The following IGF1R variants were observed in gnomAD, a reference collection of about 807,000 sequenced individuals.
IGF1R encodes the protein insulin-like growth factor 1 receptor.
In IGF1R, 44 loss-of-function variants were observed where a neutral mutation model predicts 144.6. The ratio of observed to expected loss-of-function variants is 0.30; its 90% confidence interval spans 0.24 to 0.39. The LOEUF (loss-of-function observed/expected upper bound fraction) is 0.39. Ranked by LOEUF, IGF1R falls within the 10% of genes least tolerant of loss-of-function variation. The pLI is 1.00. For missense variants in IGF1R, 1,355 were observed against 1,833.7 expected, an observed-to-expected ratio of 0.74 and a Z score of 4.77; for synonymous variants, 795 against 722.8, an observed-to-expected ratio of 1.10 and a Z score of -1.60.
Position 98,860,678 on chromosome 15 carries a change from G to C in IGF1R, c.641-30647G>C, listed in dbSNP as rs568766619. On this transcript the variant is annotated intron_variant, in intron 2 of 20. Coordinates refer to ENST00000650285, the MANE Select transcript of IGF1R (RefSeq NM_000875.5). Reference sequence around the variant, plus strand: ...CTGAGTGGGAGGCAGTTTGCCCTCTGCTGAAGGTTTCTTGTGCTTATTGTG... The same window carrying C: ...CTGAGTGGGAGGCAGTTTGCCCTCTCCTGAAGGTTTCTTGTGCTTATTGTG... Among the ~76,000 whole-genome samples, 10 of 152,272 alleles carry C rather than the reference G, an allele frequency of 6.6e-5. 1 individual carries two copies. Among genetic ancestry groups the C allele is most frequent in the African/African-American group, 1.9e-4 (8 of 41,548 alleles).
At chr15:98,944,319 C>T (rs565309317) in intron 19 of IGF1R, among the ~76,000 whole-genome samples, 124 of 152,336 alleles carry the variant, frequency 8.1e-4, no homozygotes, top group Admixed American at 1.4e-3. Flanking sequence ...ACAAAGGGAC[C>T]TAGAGTGTGT....
intron 2 of IGF1R, among the ~76,000 whole-genome samples, chr15:98,830,895 C>T (rs1044634032): frequency 2.6e-5 from 4 of 152,204 alleles, no homozygotes; most frequent in African/African-American, 4.8e-5. Flanking sequence ...TGAACCACCA[C>T]GCCCGGCCAG....
At chr15:98,795,501 G>A (rs979740977) in intron 2 of IGF1R, among the ~76,000 whole-genome samples, 1 of 151,976 alleles carries the variant, frequency 6.6e-6, no homozygotes, top group South Asian at 2.1e-4. Flanking sequence ...TGCAAGCTCC[G>A]CCTCCTGGGT....
rs958372963 is a variant in IGF1R, at chr15:98,960,555, A to C, written c.*3113A>C. 4 of 233,372 alleles carry C rather than the reference A, an allele frequency of 1.7e-5. No individual in the cohort carries two copies. The highest frequency in any genetic ancestry group is 2.5e-3 in the Middle Eastern group (2 of 810). The allele number at this position is 233,372 out of a possible 1,614,324, so 14.5% of individuals were successfully genotyped here. Reference sequence around the variant, plus strand: ...CAGCACCATCTCTGTGCGAATCCCCAGGGTAAAGGCGTGGGGCATTGGGTT... The same window carrying C: ...CAGCACCATCTCTGTGCGAATCCCCCGGGTAAAGGCGTGGGGCATTGGGTT... On this transcript the variant is annotated 3_prime_UTR_variant, in exon 21 of 21. Transcript: ENST00000650285.
chr15:98,713,087 T>C (rs1326385055), intron 2 of IGF1R, among the ~76,000 whole-genome samples: 1 of 151,864 alleles, frequency 6.6e-6, no homozygotes, highest in African/African-American at 2.4e-5. Context: ...TTGGCCCCAG[T>C]GGTGCTCTCC....
At chr15:98,901,023 A>T (rs1385467981) in intron 5 of IGF1R, among the ~76,000 whole-genome samples, 1 of 152,222 alleles carries the variant, frequency 6.6e-6, no homozygotes, top group African/African-American at 2.4e-5. Context: ...TTACCTTTTC[A>T]TGGAGTGTTA....
intron 2 of IGF1R, among the ~76,000 whole-genome samples, chr15:98,808,328 C>A (rs1334805823): frequency 6.6e-6 from 1 of 152,194 alleles, no homozygotes; most frequent in African/African-American, 2.4e-5. Flanking sequence ...TTGTCAGTAT[C>A]TTTATCCTCT....
chr15:98,684,876 A>C (rs1026668358), intron 1 of IGF1R, among the ~76,000 whole-genome samples: 1 of 148,330 alleles, frequency 6.7e-6, no homozygotes, highest in Non-Finnish European at 1.5e-5. Context: ...CTTTGTGAGG[A>C]GTCTGACCCC....
At chr15:98,924,410 T>C in intron 12 of IGF1R, 115 bp from the exon 13 acceptor site, 1 of 930,300 alleles carries the variant, frequency 1.1e-6, no homozygotes, top group Non-Finnish European at 1.8e-6. Context: ...AGGATCATTG[T>C]TAGGTGGGAG....
intron 2 of IGF1R, among the ~76,000 whole-genome samples, chr15:98,737,577 G>T (rs906689412): frequency 2.0e-5 from 3 of 152,056 alleles, no homozygotes; most frequent in Non-Finnish European, 2.9e-5. Flanking sequence ...TTCTCAATTG[G>T]AATTTTTTTA....
intron 2 of IGF1R, among the ~76,000 whole-genome samples, chr15:98,821,116 A>G (rs530246089): frequency 6.6e-6 from 1 of 152,214 alleles, no homozygotes; most frequent in Non-Finnish European, 1.5e-5. Context: ...ATAAACGAAG[A>G]TAGATAAAAT....
rs531685148 is a variant in IGF1R, at chr15:98,911,867, T to G, written c.1589+426T>G. On this transcript the variant is annotated intron_variant, in intron 7 of 20. Transcript: ENST00000650285. ...GGCACGTGGCTCTTTTGTATCATCT[T>G]ATTCCTGTCTCTCTCTCTGTGTGCC... Among the ~76,000 whole-genome samples, 8 of 152,340 alleles carry G rather than the reference T, an allele frequency of 5.3e-5. No individual in the cohort carries two copies. The East Asian group carries it at 1.5e-3, about 29-fold the overall frequency.
At chr15:98,755,098 ATCT>A (rs752777910) in intron 2 of IGF1R, among the ~76,000 whole-genome samples, 35 of 152,372 alleles carry the variant, frequency 2.3e-4, no homozygotes, top group South Asian at 8.3e-4. Context: ...GTCCTCGTTA[ATCT>A]TCTTTAGGAA....
chr15:98,901,922 A>C (rs2014501599), intron 5 of IGF1R, among the ~76,000 whole-genome samples: 1 of 152,206 alleles, frequency 6.6e-6, no homozygotes, highest in Non-Finnish European at 1.5e-5. Context: ...GGGTGGTACT[A>C]GAGTTATGTA....
At chr15:98,674,759 A>G (rs1350044591) in intron 1 of IGF1R, among the ~76,000 whole-genome samples, 2 of 152,084 alleles carry the variant, frequency 1.3e-5, no homozygotes, top group Non-Finnish European at 1.5e-5. Context: ...ATCTCAAGGT[A>G]ACCATTGTTA....
At chr15:98,725,716 A>C (rs2054341426) in intron 2 of IGF1R, among the ~76,000 whole-genome samples, 1 of 152,226 alleles carries the variant, frequency 6.6e-6, no homozygotes, top group African/African-American at 2.4e-5. Flanking sequence ...GCTGATAAAG[A>C]CGTACCCAAG....
chr15:98,809,853 G>A (rs1385808231), intron 2 of IGF1R, among the ~76,000 whole-genome samples: 1 of 152,076 alleles, frequency 6.6e-6, no homozygotes, highest in Non-Finnish European at 1.5e-5. Context: ...CACGTTCCAC[G>A]TATTGTGTTC....
chr15:98,906,811 G>C (rs1012615074), intron 5 of IGF1R, among the ~76,000 whole-genome samples: 5 of 152,242 alleles, frequency 3.3e-5, no homozygotes, highest in African/African-American at 9.6e-5. Context: ...TGTGTCCAGA[G>C]GCCTGAAGAT....
chr15:98,845,058 C>T (rs1452232819), intron 2 of IGF1R, among the ~76,000 whole-genome samples: 1 of 152,142 alleles, frequency 6.6e-6, no homozygotes, highest in East Asian at 1.9e-4. Context: ...AGTGTTTTTG[C>T]CTTGTTAGCC....
Sources: allele counts gnomAD v4.1 joint callset (sites outside exome capture counted in the v4.1 genomes callset), GRCh38; gene constraint gnomAD v4.1.1; transcripts MANE v1.5; gene names NCBI Gene and HGNC (gene_info 2026-07-23, HGNC 2026-07-21).